Variants in NCOR2 observed in about 807,000 individuals in gnomAD.
NCOR2 encodes the protein nuclear receptor corepressor 2.
Under a neutral mutation model 262.9 loss-of-function variants are expected in NCOR2, and 81 were observed. The ratio of observed to expected loss-of-function variants is 0.31; its 90% CI spans 0.26 to 0.37. The LOEUF (loss-of-function observed/expected upper bound fraction) is 0.37. Ranked by LOEUF, NCOR2 falls within the 10% of genes least tolerant of loss-of-function variation. NCOR2 has a pLI of 1.00. For missense variants in NCOR2, 3,385 were observed against 3,621.4 expected (o/e 0.93, Z 1.68); for synonymous variants, 1,659 against 1,559.3 (o/e 1.06, Z -1.51).
intron 38 of NCOR2, chr12:124,336,024 T>G (rs571491556): frequency 2.0e-5 from 4 of 200,838 alleles, no homozygotes; most frequent in East Asian, 1.2e-4. Flanking sequence ...TGACCCTGGG[T>G]CCCCGGGGCC....
At chr12:124,344,118 C>G (rs936694035) in intron 32 of NCOR2, among the ~76,000 whole-genome samples, 3 of 152,140 alleles carry the variant, frequency 2.0e-5, no homozygotes, top group African/African-American at 7.2e-5. Context: ...CCAGCAAATA[C>G]TGAATTGACC....
At chr12:124,333,080 C>A in intron 42 of NCOR2, 50 bp downstream of exon 44, 1 of 1,540,016 alleles carries the variant, frequency 6.5e-7, no homozygotes, top group Non-Finnish European at 8.8e-7. Context: ...CAAGGATGGG[C>A]AAGGGATACC....
rs1324014368 is a variant in NCOR2 at position 124,389,568 on chromosome 12, C to CCGA, written c.1877-3682_1877-3681insTCG. On this transcript the variant is annotated intron_variant, in intron 16 of 46. Coordinates refer to ENST00000405201, the Ensembl canonical transcript of NCOR2. This position sits in a 1 kb window ranked among gnomAD's most constrained non-coding sequence, Gnocchi z 4.4. ...TCCGCCATCATCCCCCGCCGCCCGT[C>CCGA]CCCCCACCCTCCGTGTCAGTTCCAC... Among the ~76,000 whole-genome samples, 1 of 152,084 alleles carries CCGA rather than the reference C, an allele frequency of 6.6e-6. No homozygotes were observed. The highest frequency in any genetic ancestry group is 1.9e-4 in the East Asian group (1 of 5,190).
chr12:124,499,570 G>A (rs1296975889), upstream of NCOR2, among the ~76,000 whole-genome samples: 3 of 152,234 alleles, frequency 2.0e-5, no homozygotes, highest in African/African-American at 7.2e-5. Flanking sequence ...GCCAGCTGGT[G>A]GGGGGTGAGC....
exon 37 of NCOR2, chr12:124,340,138 G>A (rs1470018340): frequency 5.6e-6 from 9 of 1,609,448 alleles, no homozygotes; most frequent in Admixed American, 1.7e-5. Flanking sequence ...GTGGGCATGG[G>A]AGTGGGAGGC....
At chr12:124,392,659 T>G (rs1391395531) in intron 16 of NCOR2, among the ~76,000 whole-genome samples, 1 of 152,220 alleles carries the variant, frequency 6.6e-6, no homozygotes, top group Non-Finnish European at 1.5e-5. Context: ...GGCGCTCCTC[T>G]TTTGGGGGGC....
chr12:124,436,877 C>T (rs910503232), intron 8 of NCOR2, among the ~76,000 whole-genome samples: 13 of 152,120 alleles, frequency 8.5e-5, no homozygotes, highest in African/African-American at 3.1e-4. Context: ...CACCTGAGGT[C>T]GGGAGTTCAA....
In NCOR2 at chr12:124,378,436, G is replaced by A. The variant is rs775759531; in HGVS notation, c.2020-52C>T. On this transcript the variant is annotated intron_variant, in intron 17 of 46. Transcript: ENST00000405201. This position sits in a 1 kb window ranked among gnomAD's most constrained non-coding sequence, Gnocchi z 4.2. ...GGACTGGGGCCTGGGCTGTCAGCTC[G>A]GGGACTCCCCATGCCTGGGGCCTCG... 16 of 1,545,812 alleles carry A rather than the reference G, an allele frequency of 1.0e-5. No homozygotes were observed. The highest frequency in any genetic ancestry group is 2.0e-4 in the Middle Eastern group (1 of 5,012).
In NCOR2 at chr12:124,374,480, GA is replaced by G. The variant is rs2039826309; in HGVS notation, c.2168-18del. On this transcript the variant is annotated intron_variant, in intron 18 of 46. Transcript: ENST00000405201. The stretch of plus-strand genomic sequence containing the variant: ...CATGTAAGGCTGGAAGGAAGTCAGA[GA>G]AGAGTTAGAAGTGAGGCAGCACCAA... 4 of 1,610,850 alleles carry G rather than the reference GA, an allele frequency of 2.5e-6. No homozygotes were observed. In the East Asian group the frequency reaches 8.9e-5, roughly 36 times the overall value.
At chr12:124,449,167 T>C (rs963903290) in intron 7 of NCOR2, among the ~76,000 whole-genome samples, 2 of 152,162 alleles carry the variant, frequency 1.3e-5, no homozygotes, top group Non-Finnish European at 2.9e-5. Flanking sequence ...TGTACCCCGC[T>C]TGAAGATACA....
At position 124,512,317 on chromosome 12, in the gene NCOR2, G is replaced by A. The variant is rs567963814; in HGVS notation, c.-117-16949C>T. On this transcript the variant is annotated intron_variant, in intron 1 of 46. Transcript: ENST00000404621. Reference sequence around the variant, plus strand: ...GAAGCTCAAAGGGAGGCTCCTTTCTGCCTCTTCCAGATGCTGGTGGCTCCA... The same window carrying A: ...GAAGCTCAAAGGGAGGCTCCTTTCTACCTCTTCCAGATGCTGGTGGCTCCA... 1.2e-4 allele frequency among the ~76,000 whole-genome samples: 18 copies of A among 152,332 alleles called. 1 individual carries two copies. The East Asian group carries it at 3.5e-3, about 29-fold the overall frequency.
chr12:124,428,785 G>A (rs2043741485), intron 10 of NCOR2, among the ~76,000 whole-genome samples: 1 of 152,166 alleles, frequency 6.6e-6, no homozygotes, highest in African/African-American at 2.4e-5. Flanking sequence ...GCTGTGCTGA[G>A]CTAAAGGGCT....
chr12:124,391,151 G>A (rs1243575222), intron 16 of NCOR2, among the ~76,000 whole-genome samples: 1 of 152,220 alleles, frequency 6.6e-6, no homozygotes, highest in East Asian at 1.9e-4. Context: ...TTCTCCAAGG[G>A]TCTGCAAACC....
At chr12:124,408,292 T>C (rs1026641293) in intron 13 of NCOR2, among the ~76,000 whole-genome samples, 2 of 151,740 alleles carry the variant, frequency 1.3e-5, no homozygotes, top group Non-Finnish European at 2.9e-5. Flanking sequence ...AGGCGGAGCT[T>C]GCAGTGAGCC....
rs553775165 is a variant in NCOR2 at position 124,548,973 on chromosome 12, G to A, written c.-164-13362C>T. Among the ~76,000 whole-genome samples, 1 of 152,270 alleles carries A rather than the reference G, an allele frequency of 6.6e-6. No homozygotes were observed. The highest frequency in any genetic ancestry group is 6.5e-5 in the Admixed American group (1 of 15,298). ...CTCGTTTCCCCGCTTCCCCTTACCC[G>A]ACGGTTGGGGCACCGCACAGATTTT... On this transcript the variant is annotated intron_variant, in intron 1 of 32. Transcript: ENST00000458234. This position sits in a 1 kb window ranked among gnomAD's most constrained non-coding sequence, Gnocchi z 5.1.
In NCOR2 at chr12:124,380,887, C is replaced by T. The variant is rs1176116688; in HGVS notation, c.2020-2503G>A. On this transcript the variant is annotated intron_variant, in intron 17 of 46. Coordinates refer to ENST00000405201, the Ensembl canonical transcript of NCOR2. ...GAGAGTCCCAGGAGTTACAGTTAAT[C>T]CTTACACACATGGTCCGGCACTGTG... Among the ~76,000 whole-genome samples the T allele has an allele frequency of 2.0e-5, 3 of 152,236 alleles. No individual in the cohort carries two copies. The South Asian group carries it at 6.2e-4, about 32-fold the overall frequency.
At chr12:124,367,816 C>T (rs1264294010) in intron 20 of NCOR2, among the ~76,000 whole-genome samples, 5 of 152,144 alleles carry the variant, frequency 3.3e-5, no homozygotes, top group African/African-American at 4.8e-5. Context: ...GGTATTTTAG[C>T]GGAGACAGGC....
chr12:124,500,486 C>T (rs193242317), intron 1 of NCOR2, among the ~76,000 whole-genome samples: 1 of 152,356 alleles, frequency 6.6e-6, no homozygotes, highest in African/African-American at 2.4e-5. Context: ...AAGCTCAGGC[C>T]GTGAGCTCTG....
In NCOR2 at chr12:124,330,829, G is replaced by A. The variant is rs902030136; in HGVS notation, c.6958+16C>T. On this transcript the variant is annotated intron_variant, in intron 44 of 46. Transcript: ENST00000405201. ...GGGGACCAGGGCAGCCATATAGCAAGGGCTGGATGGGTTACCTGTTCCGGT... is the reference window on the plus strand; with the variant it reads ...GGGGACCAGGGCAGCCATATAGCAAAGGCTGGATGGGTTACCTGTTCCGGT... 6.4e-7 allele frequency: 1 copy of A among 1,569,646 alleles called. No individual in the cohort carries two copies. Among genetic ancestry groups the A allele is most frequent in the Middle Eastern group, 1.7e-4 (1 of 6,020 alleles).
Sources: allele counts gnomAD v4.1 joint callset (sites outside exome capture counted in the v4.1 genomes callset), GRCh38; gene constraint gnomAD v4.1.1; non-coding constraint Gnocchi (gnomAD v3.1); transcripts MANE v1.5; gene names NCBI Gene and HGNC (gene_info 2026-07-23, HGNC 2026-07-21).